Variants in LILRB1 observed in about 807,000 individuals in gnomAD.
LILRB1 encodes leukocyte immunoglobulin-like receptor subfamily B member 1.
Under a neutral mutation model 74.6 loss-of-function variants are expected in LILRB1, and 59 were observed. That is an observed-to-expected ratio of 0.79 (90% CI 0.64 to 0.98). The LOEUF is 0.98. LILRB1 is among the 50% of genes least tolerant of loss of function. The pLI, the probability that LILRB1 is intolerant of heterozygous loss-of-function variation, is 0.00. For missense variants in LILRB1, 804 were observed against 822.6 expected, an observed-to-expected ratio of 0.98 and a Z score of 0.28; for synonymous variants, 328 against 333.9, an observed-to-expected ratio of 0.98 and a Z score of 0.19.
chr19:54,620,539 C>T (rs1422055765), intron 1 of LILRB1, among the ~76,000 whole-genome samples: 4 of 152,130 alleles, frequency 2.6e-5, no homozygotes, highest in African/African-American at 9.7e-5. Context: ...CACTATTAAA[C>T]AATCACTAAT....
Position 54,632,071 on chromosome 19 carries a change from A to T in LILRB1, c.495A>T (p.Pro165=), listed in dbSNP as rs757975288. ...ILCKEGEDEH[P]QCLNSQPHAR... is the part of the protein sequence containing the mutation. ...GTAAGGAAGGAGAAGATGAACACCCACAATGCCTGAACTCCCAGCCCCATG... is the reference window on the plus strand; with the variant it reads ...GTAAGGAAGGAGAAGATGAACACCCTCAATGCCTGAACTCCCAGCCCCATG... Residue 165 remains proline (P), a synonymous_variant, in exon 5 of 15, where the codon CCA becomes CCT. Transcript: ENST00000324602. 2.5e-6 allele frequency: 4 copies of T among 1,614,112 alleles called. No homozygotes were observed. In the South Asian group the frequency reaches 4.4e-5, roughly 18 times the overall value.
rs762554924 is a variant in LILRB1, at chr19:54,635,545, C to G, written c.1601-12C>G. Reference sequence around the variant, plus strand: ...CTTCCCAAGAGACAAACCCCTTGCTCTGCCCCAGCAGATGCTGCCGTGAAG... The same window carrying G: ...CTTCCCAAGAGACAAACCCCTTGCTGTGCCCCAGCAGATGCTGCCGTGAAG... On this transcript the variant is annotated splice_polypyrimidine_tract_variant and intron_variant, in intron 12 of 14. Coordinates refer to ENST00000324602, the MANE Select transcript of LILRB1 (RefSeq NM_001081637.3). 13 of 1,610,680 alleles carry G rather than the reference C, an allele frequency of 8.1e-6. No homozygotes were observed. The Admixed American group carries it at 1.5e-4, about 19-fold the overall frequency.
chr19:54,629,772 C>T (rs1055829877), upstream of LILRB1, among the ~76,000 whole-genome samples: 11 of 152,240 alleles, frequency 7.2e-5, no homozygotes, highest in African/African-American at 2.4e-4. Context: ...CTTGATGGTC[C>T]CAGGTCCCTG....
In LILRB1 at chr19:54,637,286, G is replaced by A. The variant is rs2064521753; in HGVS notation, c.*408G>A. 1 of 175,288 alleles carries A rather than the reference G, an allele frequency of 5.7e-6. No individual in the cohort carries two copies. Among genetic ancestry groups the A allele is most frequent in the East Asian group, 1.5e-4 (1 of 6,666 alleles). The allele number at this position is 175,288 out of a possible 1,614,324, so 10.9% of individuals were successfully genotyped here. On this transcript the variant is annotated 3_prime_UTR_variant, in exon 15 of 15. Transcript: ENST00000324602. ...CTCACGCCTGTAATTCCAGCACTTT[G>A]GGAGGCCGAGGCGGGCAGATCACGA... is the stretch of plus-strand genomic sequence containing the variant.
chr19:54,635,176 G>A lies in LILRB1; in HGVS notation c.1559G>A (p.Trp520Ter), dbSNP rs529093113. Residue 520 changes from tryptophan to a stop codon, truncating the protein, a stop_gained, in exon 11 of 15, where the codon TGG (tryptophan) becomes TAG (stop). Coordinates refer to ENST00000324602, the MANE Select transcript of LILRB1 (RefSeq NM_001081637.3). LOFTEE classifies it high-confidence loss of function. ...GAGCCCACAGACAGAGGCCTGCAGT[G>A]GAGGTAATTCTGCCCGAAGACCCCA... ...GPEPTDRGLQ[W>*]RSSPAADAQE... 3.8e-6 allele frequency: 6 copies of A among 1,596,408 alleles called. No individual in the cohort carries two copies. The East Asian group carries it at 1.1e-4, about 30-fold the overall frequency.
At position 54,637,515 on chromosome 19, in the gene LILRB1, C is replaced by G. The variant is rs1471466807; in HGVS notation, c.*637C>G. 1 of 135,862 alleles carries G rather than the reference C, an allele frequency of 7.4e-6. No individual in the cohort carries two copies. Among genetic ancestry groups the G allele is most frequent in the Non-Finnish European group, 1.5e-5 (1 of 65,122 alleles). The allele number at this position is 135,862 out of a possible 1,614,324, so 8.4% of individuals were successfully genotyped here. ...TCTCCAGCCTGGCGACAGAGGGAGACTCCATCTCAAATTAAAAAAAAAAAA... is the reference window on the plus strand; with the variant it reads ...TCTCCAGCCTGGCGACAGAGGGAGAGTCCATCTCAAATTAAAAAAAAAAAA... On this transcript the variant is annotated 3_prime_UTR_variant, in exon 15 of 15. Coordinates refer to ENST00000324602, the MANE Select transcript of LILRB1 (RefSeq NM_001081637.3).
upstream of LILRB1, chr19:54,630,350 TG>T (rs533097280): frequency 8.9e-4 from 261 of 293,162 alleles, 1 homozygote; most frequent in African/African-American, 5.4e-3. Context: ...CTCAGAGATT[TG>T]TTCCCGGGGG....
chr19:54,631,644 G>A lies in LILRB1; in HGVS notation c.215G>A (p.Arg72Gln), dbSNP rs202132279. The A allele has an allele frequency of 8.7e-4, 1,397 of 1,614,092 alleles. 2 individuals are homozygous for A. The South Asian group carries it at 0.015, about 17-fold the overall frequency. Residue 72 changes from arginine (R) to glutamine (Q), a missense_variant, in exon 4 of 15, where the codon CGG becomes CAG. Physicochemically the swap from Arg to Gln is conservative, Grantham distance 43. Coordinates refer to ENST00000324602, the MANE Select transcript of LILRB1 (RefSeq NM_001081637.3). ...REKKTAPWIT[R>Q]IPQELVKKGQ... Reference sequence around the variant, plus strand: ...AAGAAAACAGCACCCTGGATTACACGGATCCCACAGGAGCTTGTGAAGAAG... The same window carrying A: ...AAGAAAACAGCACCCTGGATTACACAGATCCCACAGGAGCTTGTGAAGAAG...
upstream of LILRB1, among the ~76,000 whole-genome samples, chr19:54,626,048 T>C (rs1458256121): frequency 6.6e-6 from 1 of 152,230 alleles, no homozygotes; most frequent in Non-Finnish European, 1.5e-5. Flanking sequence ...GTTTCTCAGG[T>C]GAACCCCAGC....
At chr19:54,617,746 G>A (rs2063347512) in intron 1 of LILRB1, among the ~76,000 whole-genome samples, 2 of 152,006 alleles carry the variant, frequency 1.3e-5, no homozygotes, top group African/African-American at 4.8e-5. Flanking sequence ...AGTGTTTCCT[G>A]TAACATGGAA....
upstream of LILRB1, chr19:54,630,465 TTTTC>T: frequency 2.7e-6 from 1 of 374,292 alleles, no homozygotes; most frequent in South Asian, 2.0e-5. Context: ...AGAAGTCAAC[TTTTC>T]TTCCCTATTT....
At chr19:54,629,274 G>C (rs1402038975), upstream of LILRB1, among the ~76,000 whole-genome samples, 8 of 151,588 alleles carry the variant, frequency 5.3e-5, no homozygotes, top group Admixed American at 5.2e-4. Context: ...CATGTAGCGG[G>C]TACTGAAACG....
chr19:54,623,797 C>T (rs1348295103), intron 1 of LILRB1, among the ~76,000 whole-genome samples: 1 of 152,178 alleles, frequency 6.6e-6, no homozygotes, highest in African/African-American at 2.4e-5. Flanking sequence ...GAGAGGCCTC[C>T]ACTTACTCTC....
chr19:54,620,702 C>T (rs2063433361), intron 1 of LILRB1, among the ~76,000 whole-genome samples: 2 of 152,186 alleles, frequency 1.3e-5, no homozygotes, highest in South Asian at 4.2e-4. Flanking sequence ...CCAGATGAAG[C>T]AGTGAATATG....
At chr19:54,620,319 T>C (rs1368340612) in intron 1 of LILRB1, among the ~76,000 whole-genome samples, 2 of 152,160 alleles carry the variant, frequency 1.3e-5, no homozygotes. Context: ...ATAATCTATG[T>C]GGTAGATTGT....
At chr19:54,631,873 A>T (rs2063894946) in intron 4 of LILRB1, 62 bp from the exon 5 acceptor site, 1 of 1,606,672 alleles carries the variant, frequency 6.2e-7, no homozygotes, top group Non-Finnish European at 8.5e-7. Context: ...CTCACAGCCC[A>T]GCCCTGGGGA....
chr19:54,633,752 C>T, intron 8 of LILRB1, 64 bp downstream of exon 8: 10 of 1,536,148 alleles, frequency 6.5e-6, no homozygotes, highest in Non-Finnish European at 8.8e-6. Context: ...CCTGGGTCTC[C>T]CAGAGAATCC....
Position 54,633,139 on chromosome 19 carries a change from G to C in LILRB1, c.1082G>C (p.Gly361Ala). 1 of 1,614,272 alleles carries C rather than the reference G, an allele frequency of 6.2e-7. No individual in the cohort carries two copies. Among genetic ancestry groups the C allele is most frequent in the Non-Finnish European group, 8.5e-7 (1 of 1,180,048 alleles). The stretch of plus-strand genomic sequence containing the variant: ...CAAACTTTCCTTCTGACCAAGGAGG[G>C]GGCAGCTGATGACCCATGGCGTCTA... ...WMQTFLLTKE[G>A]AADDPWRLRS... The change falls in exon 7 of 15, where the codon GGG becomes GCG. Residue 361 changes from glycine to alanine, a missense_variant. Gly to Ala is a moderately conservative substitution (Grantham distance 60). Transcript: ENST00000324602.
chr19:54,636,832 C>G lies in LILRB1; in HGVS notation c.1913C>G (p.Pro638Arg). ...ATEPPPSQEG[P>R]SPAVPSIYAT... is the part of the protein sequence containing the mutation. ...GAGCCTCCTCCATCCCAGGAAGGGC[C>G]CTCTCCAGCTGTGCCCAGCATCTAC... is the stretch of plus-strand genomic sequence containing the variant. The change falls in exon 15 of 15, where the codon CCC becomes CGC. Residue 638 changes from proline (P) to arginine (R), a missense_variant. By Grantham distance (103) the Pro-to-Arg change is moderately radical (BLOSUM62 -2). Transcript: ENST00000324602. The G allele has an allele frequency of 6.2e-7, 1 of 1,613,468 alleles. No individual in the cohort carries two copies. Among genetic ancestry groups the G allele is most frequent in the Non-Finnish European group, 8.5e-7 (1 of 1,179,580 alleles).
Sources: allele counts gnomAD v4.1 joint callset (sites outside exome capture counted in the v4.1 genomes callset), GRCh38; gene constraint gnomAD v4.1.1; transcripts MANE v1.5; gene names NCBI Gene and HGNC (gene_info 2026-07-23, HGNC 2026-07-21).